Variants in NECTIN3 observed in about 807,000 individuals in gnomAD.
NECTIN3 encodes nectin-3.
In NECTIN3, 8 loss-of-function variants were observed where a neutral mutation model predicts 49.4. The ratio of observed to expected loss-of-function variants is 0.16; its 90% confidence interval spans 0.10 to 0.29. The LOEUF is 0.29. Ranked by LOEUF, NECTIN3 falls within the 10% of genes least tolerant of loss-of-function variation. NECTIN3 has a pLI of 1.00. For synonymous variants in NECTIN3, 277 were observed against 241.1 expected, an observed-to-expected ratio of 1.15 and a Z score of -1.38; for missense variants, 581 against 654.6, an observed-to-expected ratio of 0.89 and a Z score of 1.23.
chr3:111,129,477 A>G (rs1160945359), intron 5 of NECTIN3, among the ~76,000 whole-genome samples: 1 of 152,200 alleles, frequency 6.6e-6, no homozygotes, highest in Non-Finnish European at 1.5e-5. Context: ...ATAGACGTTC[A>G]ATACAGTTTT....
intron 7 of NECTIN3, among the ~76,000 whole-genome samples, chr3:111,154,224 T>C (rs1355384219): frequency 6.6e-6 from 1 of 152,164 alleles, no homozygotes; most frequent in Non-Finnish European, 1.5e-5. Context: ...CTGCTTTCTG[T>C]CATGTATTAG....
chr3:111,094,372 C>T (rs1300168109), intron 1 of NECTIN3, among the ~76,000 whole-genome samples: 1 of 152,102 alleles, frequency 6.6e-6, no homozygotes, highest in South Asian at 2.1e-4. Context: ...TTAAGGTACT[C>T]CTATTTTTAA....
At chr3:111,145,771 C>T (rs2034858681) in intron 6 of NECTIN3, among the ~76,000 whole-genome samples, 1 of 152,124 alleles carries the variant, frequency 6.6e-6, no homozygotes, top group Non-Finnish European at 1.5e-5. Context: ...GGCATTATTT[C>T]TTATGTGGTT....
chr3:111,126,684 C>A (rs982373877), intron 5 of NECTIN3, among the ~76,000 whole-genome samples: 3 of 151,742 alleles, frequency 2.0e-5, no homozygotes, highest in Admixed American at 6.6e-5. Flanking sequence ...TGATTTTTTT[C>A]TTTTGCTTTG....
chr3:111,163,144 A>T (rs2035248948), intron 7 of NECTIN3, among the ~76,000 whole-genome samples: 1 of 152,168 alleles, frequency 6.6e-6, no homozygotes, highest in Non-Finnish European at 1.5e-5. Context: ...ACACAAACAG[A>T]TGGGGGCTGG....
At chr3:111,082,753 A>C (rs776381501) in intron 1 of NECTIN3, among the ~76,000 whole-genome samples, 1 of 152,130 alleles carries the variant, frequency 6.6e-6, no homozygotes, top group Admixed American at 6.5e-5. Flanking sequence ...GTTTATTTCT[A>C]TTGTTATTAG....
rs115507198 is a variant in NECTIN3 at position 111,129,567 on chromosome 3, A to T, written c.1069+3232A>T. The stretch of plus-strand genomic sequence containing the variant: ...CCAGAATCTGCTTTTGTGTAACTTA[A>T]CTCTTTAAAAAGGGAAATCAAATTT... On this transcript the variant is annotated intron_variant, in intron 5 of 5. Transcript: ENST00000485303. 5.8e-3 allele frequency among the ~76,000 whole-genome samples: 880 copies of T among 152,298 alleles called. 12 individuals are homozygous for T. Among genetic ancestry groups the T allele is most frequent in the African/African-American group, 0.02 (812 of 41,548 alleles).
intron 1 of NECTIN3, among the ~76,000 whole-genome samples, chr3:111,081,571 C>G (rs906352111): frequency 6.6e-6 from 1 of 152,050 alleles, no homozygotes; most frequent in African/African-American, 2.4e-5. Context: ...GTAAATACAA[C>G]AAACAATACA....
chr3:111,156,713 A>G (rs560240043), intron 7 of NECTIN3, among the ~76,000 whole-genome samples: 1 of 152,266 alleles, frequency 6.6e-6, no homozygotes, highest in African/African-American at 2.4e-5. Context: ...ACAGTTACCA[A>G]GCTACCATAG....
chr3:111,169,540 A>G (rs749882374), intron 7 of NECTIN3, among the ~76,000 whole-genome samples: 11 of 152,132 alleles, frequency 7.2e-5, no homozygotes, highest in Non-Finnish European at 1.0e-4. Context: ...ATGCACTGTC[A>G]TAGAAAATTA....
At chr3:111,115,814 G>A (rs1217043035) in intron 2 of NECTIN3, among the ~76,000 whole-genome samples, 1 of 152,208 alleles carries the variant, frequency 6.6e-6, no homozygotes, top group African/African-American at 2.4e-5. Context: ...AACTATTACA[G>A]AGGAATAATT....
At chr3:111,164,205 T>A (rs2035274014) in intron 7 of NECTIN3, among the ~76,000 whole-genome samples, 1 of 152,136 alleles carries the variant, frequency 6.6e-6, no homozygotes, top group Non-Finnish European at 1.5e-5. Context: ...TTGTATCCAT[T>A]TGTCATCTTT....
At chr3:111,146,705 A>T (rs2081794100) in intron 6 of NECTIN3, among the ~76,000 whole-genome samples, 2 of 152,168 alleles carry the variant, frequency 1.3e-5, no homozygotes, top group African/African-American at 4.8e-5. Flanking sequence ...AAGCACAAGT[A>T]CTGAAAATGT....
At chr3:111,142,401 A>C (rs891666491), downstream of NECTIN3, among the ~76,000 whole-genome samples, 24 of 151,872 alleles carry the variant, frequency 1.6e-4, no homozygotes, top group African/African-American at 5.8e-4. Context: ...TATGATAAAG[A>C]ATGACTGGAA....
At chr3:111,191,508 A>G (rs932370500), upstream of NECTIN3, among the ~76,000 whole-genome samples, 19 of 152,036 alleles carry the variant, frequency 1.2e-4, no homozygotes, top group Non-Finnish European at 2.8e-4. Flanking sequence ...TCTGAAGGGT[A>G]AGTCATGTGT....
intron 3 of NECTIN3, among the ~76,000 whole-genome samples, chr3:111,120,567 A>C (rs1224018187): frequency 6.6e-6 from 1 of 151,554 alleles, no homozygotes; most frequent in South Asian, 2.1e-4. Context: ...GTTTTTTTTT[A>C]ATTTCTGAGA....
Position 111,134,296 on chromosome 3 carries a change from G to T in NECTIN3, c.*81G>T. ...TTTCAGATTGTTCATACTTTTTCTTGAGGAAGAATAAGCTTTTTCAAGTTG... is the reference window on the plus strand; with the variant it reads ...TTTCAGATTGTTCATACTTTTTCTTTAGGAAGAATAAGCTTTTTCAAGTTG... On this transcript the variant is annotated 3_prime_UTR_variant, in exon 6 of 6. Coordinates refer to ENST00000485303, the MANE Select transcript of NECTIN3 (RefSeq NM_015480.3). 2 of 1,481,364 alleles carry T rather than the reference G, an allele frequency of 1.4e-6. No individual in the cohort carries two copies. The highest frequency in any genetic ancestry group is 1.8e-6 in the Non-Finnish European group (2 of 1,119,794). 91.8% of individuals were successfully genotyped at this position (1,481,364 alleles called of 1,614,324 possible). A position where few individuals can be genotyped will look rare whatever the true frequency, so the allele number is the denominator to read the frequency against.
At chr3:111,184,189 G>A (rs1464572903) in intron 7 of NECTIN3, among the ~76,000 whole-genome samples, 1 of 151,364 alleles carries the variant, frequency 6.6e-6, no homozygotes, top group African/African-American at 2.4e-5. Flanking sequence ...AGTTATTTTT[G>A]GTCTTTTTTA....
At chr3:111,086,318 T>C (rs1173131226) in intron 1 of NECTIN3, among the ~76,000 whole-genome samples, 2 of 152,164 alleles carry the variant, frequency 1.3e-5, no homozygotes, top group Admixed American at 1.3e-4. Context: ...AGTCTTTTTC[T>C]TTACAATTAA....
Sources: gnomAD v4.1 joint callset for allele counts (sites outside exome capture counted in the v4.1 genomes callset) on GRCh38, gnomAD v4.1.1 for gene constraint, MANE v1.5 for transcripts, NCBI Gene and HGNC (gene_info 2026-07-23, HGNC 2026-07-21) for gene names.